The following PTPRT variants were observed in gnomAD, a reference collection of about 807,000 sequenced individuals.
PTPRT encodes receptor-type tyrosine-protein phosphatase T.
PTPRT carries 56 observed loss-of-function variants against 176.8 expected under a neutral mutation model. The ratio of observed to expected loss-of-function variants is 0.32; its 90% CI spans 0.26 to 0.40. PTPRT has a LOEUF of 0.40. PTPRT is among the 10% of genes least tolerant of loss of function. The probability of loss-of-function intolerance (pLI) is 1.00; values close to 1 mark genes in which losing one functional copy is unlikely to be tolerated. For synonymous variants in PTPRT, 783 were observed against 739.0 expected, an observed-to-expected ratio of 1.06 and a Z score of -0.96; for missense variants, 1,540 against 1,908.2, an observed-to-expected ratio of 0.81 and a Z score of 3.60.
intron 27 of PTPRT, among the ~76,000 whole-genome samples, chr20:42,086,463 T>C (rs1001038882): frequency 1.3e-5 from 2 of 151,882 alleles, no homozygotes; most frequent in African/African-American, 2.4e-5. Context: ...ATCTGTAAAA[T>C]GGGGAGAATA....
chr20:42,620,834 A>G (rs2074180658), intron 7 of PTPRT, among the ~76,000 whole-genome samples: 1 of 152,070 alleles, frequency 6.6e-6, no homozygotes, highest in Admixed American at 6.5e-5. Context: ...GCCTGCGCCC[A>G]CTGTCTGGCA....
intron 9 of PTPRT, among the ~76,000 whole-genome samples, chr20:42,438,412 G>A (rs2059282226): frequency 6.6e-6 from 1 of 152,134 alleles, no homozygotes; most frequent in African/African-American, 2.4e-5. Flanking sequence ...CGGATATGAG[G>A]TGATCACAGG....
intron 2 of PTPRT, among the ~76,000 whole-genome samples, chr20:42,854,423 C>G (rs767621016): frequency 6.6e-6 from 1 of 152,202 alleles, no homozygotes; most frequent in Non-Finnish European, 1.5e-5. Context: ...TAATCAAGGA[C>G]TGTTTAACTT....
intron 1 of PTPRT, among the ~76,000 whole-genome samples, chr20:42,909,753 G>A (rs1017225381): frequency 6.6e-5 from 10 of 152,172 alleles, no homozygotes; most frequent in Non-Finnish European, 1.3e-4. Context: ...TCAGGCAGGA[G>A]ATGGGCTGGG....
intron 9 of PTPRT, among the ~76,000 whole-genome samples, chr20:42,418,327 CATA>C (rs1407526447): frequency 6.6e-6 from 1 of 152,048 alleles, no homozygotes; most frequent in Non-Finnish European, 1.5e-5. Context: ...ATGTGACTCA[CATA>C]ATGTTTCTAC....
intron 7 of PTPRT, among the ~76,000 whole-genome samples, chr20:42,567,561 C>G (rs1047782015): frequency 1.3e-5 from 2 of 152,174 alleles, no homozygotes; most frequent in Non-Finnish European, 2.9e-5. Flanking sequence ...TTTCCCAAGC[C>G]ACATTGAAGT....
At chr20:42,925,194 A>G (rs566823246) in intron 1 of PTPRT, among the ~76,000 whole-genome samples, 24 of 152,224 alleles carry the variant, frequency 1.6e-4, no homozygotes, top group African/African-American at 5.5e-4. Flanking sequence ...TCCAAATGCT[A>G]GTAGCACCTG....
chr20:43,147,807 T>C (rs935094887), intron 1 of PTPRT, among the ~76,000 whole-genome samples: 14 of 152,270 alleles, frequency 9.2e-5, no homozygotes, highest in Non-Finnish European at 1.5e-4. Context: ...TTCATCGACC[T>C]CTCTTTGCAG....
intron 7 of PTPRT, among the ~76,000 whole-genome samples, chr20:42,502,405 AACACAC>A (rs11467404): frequency 0.031 from 4,231 of 137,366 alleles, 85 homozygotes; most frequent in East Asian, 0.065. Flanking sequence ...TATGTATACA[AACACAC>A]ACACACACAC....
intron 1 of PTPRT, among the ~76,000 whole-genome samples, chr20:42,955,688 A>G (rs1391218879): frequency 6.6e-6 from 1 of 152,126 alleles, no homozygotes; most frequent in Admixed American, 6.6e-5. Flanking sequence ...GCTCACGAAG[A>G]CTACCTGACT....
At chr20:42,119,123 T>A (rs989564734) in intron 20 of PTPRT, among the ~76,000 whole-genome samples, 2 of 151,508 alleles carry the variant, frequency 1.3e-5, no homozygotes, top group African/African-American at 4.8e-5. Context: ...GCCTTCATCA[T>A]TTTTAAAATT....
chr20:42,093,669 C>G (rs752844374), intron 27 of PTPRT, among the ~76,000 whole-genome samples: 18 of 152,236 alleles, frequency 1.2e-4, no homozygotes, highest in Non-Finnish European at 2.6e-4. Flanking sequence ...GGCATCGGTC[C>G]TCTCAGGAGT....
At chr20:42,083,330 C>T (rs1193052059) in intron 29 of PTPRT, among the ~76,000 whole-genome samples, 1 of 152,098 alleles carries the variant, frequency 6.6e-6, no homozygotes, top group East Asian at 1.9e-4. Context: ...GTGTGGGAGG[C>T]ATCTGGGCAT....
chr20:42,349,045 T>C (rs1373176857), intron 11 of PTPRT, among the ~76,000 whole-genome samples: 1 of 152,158 alleles, frequency 6.6e-6, no homozygotes, highest in African/African-American at 2.4e-5. Flanking sequence ...TCTAAATTGG[T>C]GGTGGTTGGT....
At chr20:43,041,012 T>C (rs1986583686) in intron 1 of PTPRT, among the ~76,000 whole-genome samples, 1 of 152,182 alleles carries the variant, frequency 6.6e-6, no homozygotes, top group Non-Finnish European at 1.5e-5. Flanking sequence ...GAAATCAAAT[T>C]CTTGGATCCA....
chr20:42,316,348 G>A (rs562402709), intron 11 of PTPRT, among the ~76,000 whole-genome samples: 9 of 152,178 alleles, frequency 5.9e-5, no homozygotes, highest in Non-Finnish European at 8.8e-5. Flanking sequence ...TAACTCCTTC[G>A]TTCTCACTCC....
intron 1 of PTPRT, among the ~76,000 whole-genome samples, chr20:43,149,881 C>A (rs2014292893): frequency 6.6e-6 from 1 of 152,194 alleles, no homozygotes; most frequent in Non-Finnish European, 1.5e-5. Flanking sequence ...CAACAGCCTG[C>A]ATTCATTCAA....
intron 9 of PTPRT, among the ~76,000 whole-genome samples, chr20:42,373,209 AGAGAGGGT>A (rs1346925081): frequency 4.6e-5 from 7 of 152,222 alleles, no homozygotes; most frequent in African/African-American, 1.7e-4. Flanking sequence ...AGACAGGCTC[AGAGAGGGT>A]GAGTGACTTA....
the PTPRT span, among the ~76,000 whole-genome samples, chr20:42,060,565 C>A: frequency 6.6e-6 from 1 of 152,162 alleles, no homozygotes; most frequent in Non-Finnish European, 1.5e-5. Context: ...ATAAGTCTTA[C>A]AAGATCTGAT....
Sources: allele counts gnomAD v4.1 joint callset (sites outside exome capture counted in the v4.1 genomes callset), GRCh38; gene constraint gnomAD v4.1.1; transcripts MANE v1.5; gene names NCBI Gene and HGNC (gene_info 2026-07-23, HGNC 2026-07-21).